ARID3B: variants seen among roughly 807,000 people sequenced by gnomAD.
ARID3B encodes AT-rich interactive domain-containing protein 3B.
ARID3B carries 10 observed loss-of-function variants against 51.9 expected under a neutral mutation model. The observed-to-expected ratio is 0.19, with a 90% confidence interval of 0.12 to 0.33. The LOEUF is 0.33. ARID3B is among the 10% of genes least tolerant of loss of function. ARID3B has a pLI of 1.00. For synonymous variants in ARID3B, 205 were observed against 279.5 expected (o/e 0.73, Z 2.66); for missense variants, 483 against 716.3 (o/e 0.67, Z 3.72).
chr15:74,573,364 C>A, intron 4 of ARID3B, 160 bp downstream of exon 4: 1 of 746,256 alleles, frequency 1.3e-6, no homozygotes, highest in Non-Finnish European at 2.3e-6. Flanking sequence ...TAACCGATAG[C>A]CAGATTGAAG....
intron 7 of ARID3B, among the ~76,000 whole-genome samples, chr15:74,592,934 A>G (rs1055334183): frequency 6.6e-6 from 1 of 152,094 alleles, no homozygotes; most frequent in Non-Finnish European, 1.5e-5. Flanking sequence ...AGTTGAGGGG[A>G]TGAACTGGGT....
At chr15:74,545,047 ATCT>A (rs1324735302) in intron 2 of ARID3B, among the ~76,000 whole-genome samples, 1 of 152,210 alleles carries the variant, frequency 6.6e-6, no homozygotes, top group Non-Finnish European at 1.5e-5. Context: ...TGTCAATACA[ATCT>A]TCTTTTTTAA....
intron 2 of ARID3B, among the ~76,000 whole-genome samples, chr15:74,566,191 T>C (rs1021373910): frequency 6.6e-6 from 1 of 152,158 alleles, no homozygotes; most frequent in African/African-American, 2.4e-5. Context: ...AGGCTTTCCC[T>C]CTCAGATTTT....
At chr15:74,588,770 TA>T (rs957221202) in intron 4 of ARID3B, among the ~76,000 whole-genome samples, 19 of 152,146 alleles carry the variant, frequency 1.2e-4, no homozygotes, top group African/African-American at 2.6e-4. Flanking sequence ...CCAGGTTTCC[TA>T]ATCAAGTCCC....
At chr15:74,595,332 C>G (rs894427009) in intron 8 of ARID3B, among the ~76,000 whole-genome samples, 1 of 152,242 alleles carries the variant, frequency 6.6e-6, no homozygotes, top group African/African-American at 2.4e-5. Context: ...GCCACCACAC[C>G]TGGCCTTGGT....
chr15:74,562,461 G>GAGTATATTGGGTTGTTAACGCCATCATA (rs2061682675), intron 2 of ARID3B, among the ~76,000 whole-genome samples: 1 of 152,110 alleles, frequency 6.6e-6, no homozygotes, highest in African/African-American at 2.4e-5. Flanking sequence ...AACTTCTGGT[G>GAGTATATTGGGTTGTTAACGCCATCATA]AGTATATTGG....
chr15:74,582,553 T>C (rs1038324521), intron 4 of ARID3B, among the ~76,000 whole-genome samples: 3 of 151,918 alleles, frequency 2.0e-5, no homozygotes, highest in African/African-American at 7.3e-5. Context: ...CAAGCTGGAG[T>C]AGCAAAAAAG....
intron 2 of ARID3B, among the ~76,000 whole-genome samples, chr15:74,551,330 T>G (rs1028216391): frequency 2.6e-5 from 4 of 152,242 alleles, no homozygotes; most frequent in Non-Finnish European, 4.4e-5. Flanking sequence ...CAGGATTATG[T>G]GAGCTTAAAC....
chr15:74,593,002 A>G (rs2061809432), intron 7 of ARID3B, 136 bp from the exon 8 acceptor site: 2 of 665,158 alleles, frequency 3.0e-6, no homozygotes, highest in Non-Finnish European at 2.5e-6. Flanking sequence ...GCCATACCCT[A>G]CACTCAGGAG....
intron 4 of ARID3B, among the ~76,000 whole-genome samples, 196 bp from the exon 5 acceptor site, chr15:74,589,624 A>G (rs1400492163): frequency 6.6e-6 from 1 of 152,182 alleles, no homozygotes; most frequent in Non-Finnish European, 1.5e-5. Context: ...TGCTTTGCCA[A>G]AGGCCCACAC....
chr15:74,583,546 G>C (rs1440016476), intron 4 of ARID3B, among the ~76,000 whole-genome samples: 7 of 151,902 alleles, frequency 4.6e-5, no homozygotes, highest in Admixed American at 3.3e-4. Context: ...GTGAAACCCT[G>C]TCTCCACTAA....
intron 8 of ARID3B, 61 bp downstream of exon 8, chr15:74,593,297 G>A (rs779041621): frequency 2.9e-5 from 43 of 1,501,736 alleles, no homozygotes; most frequent in Non-Finnish European, 3.4e-5. Flanking sequence ...GGGCAGCTCT[G>A]CGGCTGGCCC....
intron 2 of ARID3B, among the ~76,000 whole-genome samples, chr15:74,570,142 C>T (rs2061713761): frequency 6.6e-6 from 1 of 152,106 alleles, no homozygotes; most frequent in Non-Finnish European, 1.5e-5. Flanking sequence ...TTAGTGGGCT[C>T]TGTGCAAGGC....
chr15:74,571,117 T>C (rs2061717646), intron 2 of ARID3B, among the ~76,000 whole-genome samples: 1 of 152,188 alleles, frequency 6.6e-6, no homozygotes, highest in Admixed American at 6.5e-5. Context: ...CTTATGTCAC[T>C]GTGTGCCAGA....
At chr15:74,553,241 A>G (rs1470623716) in intron 2 of ARID3B, among the ~76,000 whole-genome samples, 1 of 152,242 alleles carries the variant, frequency 6.6e-6, no homozygotes, top group Non-Finnish European at 1.5e-5. Context: ...CAGGTATAGT[A>G]TGCTGTCATA....
In ARID3B at chr15:74,591,508, T is replaced by C; in HGVS notation, c.1166-52T>C. 1 of 1,594,574 alleles carries C rather than the reference T, an allele frequency of 6.3e-7. No homozygotes were observed. The highest frequency in any genetic ancestry group is 8.6e-7 in the Non-Finnish European group (1 of 1,166,198). On this transcript the variant is annotated intron_variant, in intron 6 of 8. Coordinates refer to ENST00000346246, the MANE Select transcript of ARID3B (RefSeq NM_006465.4). The surrounding 1 kb of genome is among the most constrained non-coding windows in gnomAD (Gnocchi z 5.8). ...AGTTCCCTGTGTTCAAGACTGGGGTTTTGGGGCAAGAGGGTCAATTGTGGA... is the reference window on the plus strand; with the variant it reads ...AGTTCCCTGTGTTCAAGACTGGGGTCTTGGGGCAAGAGGGTCAATTGTGGA...
At chr15:74,555,744 G>A (rs1338674853) in intron 2 of ARID3B, among the ~76,000 whole-genome samples, 1 of 150,454 alleles carries the variant, frequency 6.6e-6, no homozygotes, top group African/African-American at 2.4e-5. Context: ...TCCATAAGAG[G>A]AATCCCTGTC....
chr15:74,580,522 C>T (rs1457044714), intron 4 of ARID3B, among the ~76,000 whole-genome samples: 2 of 152,124 alleles, frequency 1.3e-5, no homozygotes, highest in Non-Finnish European at 2.9e-5. Context: ...TTTTATTATA[C>T]CATACACATT....
At chr15:74,546,462 CT>C (rs1195102666) in intron 2 of ARID3B, among the ~76,000 whole-genome samples, 4 of 152,174 alleles carry the variant, frequency 2.6e-5, no homozygotes, top group African/African-American at 9.7e-5. Flanking sequence ...GCCTGTCTGT[CT>C]TCAGGAAGTG....
Sources: allele counts gnomAD v4.1 joint callset (sites outside exome capture counted in the v4.1 genomes callset), GRCh38; gene constraint gnomAD v4.1.1; non-coding constraint Gnocchi (gnomAD v3.1); transcripts MANE v1.5; gene names NCBI Gene and HGNC (gene_info 2026-07-23, HGNC 2026-07-21).